Variants in ANXA13 observed in about 807,000 individuals in gnomAD.
The protein encoded by ANXA13 is annexin A13.
Under a neutral mutation model 46.6 loss-of-function variants are expected in ANXA13, and 36 were observed. The observed-to-expected ratio is 0.77, with a 90% confidence interval of 0.59 to 1.02. The LOEUF (loss-of-function observed/expected upper bound fraction) is 1.02, where lower values mean the gene tolerates loss of function less well. Among genes scored for constraint, ANXA13 ranks in the 50% least tolerant of loss-of-function variants. ANXA13 has a pLI of 0.00. For missense variants in ANXA13, 417 were observed against 396.5 expected, an observed-to-expected ratio of 1.05 and a Z score of -0.44; for synonymous variants, 163 against 152.9, an observed-to-expected ratio of 1.07 and a Z score of -0.49.
chr8:123,722,089 G>T (rs111777549), intron 1 of ANXA13, among the ~76,000 whole-genome samples: 1 of 152,256 alleles, frequency 6.6e-6, no homozygotes, highest in Non-Finnish European at 1.5e-5. Flanking sequence ...AGGATTGCTT[G>T]AGACCAGGAG....
Position 123,695,492 on chromosome 8 carries a change from T to C in ANXA13, c.471+10A>G. 1 of 1,610,848 alleles carries C rather than the reference T, an allele frequency of 6.2e-7. No homozygotes were observed. Among genetic ancestry groups the C allele is most frequent in the Non-Finnish European group, 8.5e-7 (1 of 1,177,210 alleles). The stretch of plus-strand genomic sequence containing the variant: ...AGATGATAAAACAGGTGACACCTCT[T>C]TCCTCTTACCTGCAGCAGAGACACC... On this transcript the variant is annotated intron_variant, in intron 6 of 10. Coordinates refer to ENST00000419625, the MANE Select transcript of ANXA13 (RefSeq NM_004306.4).
rs201094354 is a variant in ANXA13 at position 123,735,783 on chromosome 8, C to T, written c.15+1537G>A. 1.7e-4 allele frequency: 269 copies of T among 1,612,022 alleles called. No homozygotes were observed. The highest frequency in any genetic ancestry group is 2.0e-4 in the Non-Finnish European group (237 of 1,179,136). Reference sequence around the variant, plus strand: ...CTGTGGGGCCTCTGGCTCTCCATTCCGTGATGGGTGGCTGAGAGGCTGCAC... The same window carrying T: ...CTGTGGGGCCTCTGGCTCTCCATTCTGTGATGGGTGGCTGAGAGGCTGCAC... On this transcript the variant is annotated intron_variant, in intron 1 of 10. Coordinates refer to ENST00000419625, the MANE Select transcript of ANXA13 (RefSeq NM_004306.4).
At chr8:123,736,132 T>C (rs1200616858) in intron 1 of ANXA13, among the ~76,000 whole-genome samples, 1 of 152,218 alleles carries the variant, frequency 6.6e-6, no homozygotes, top group African/African-American at 2.4e-5. Context: ...TGAAAAACAA[T>C]GCCTTTCCTA....
chr8:123,702,236 A>C (rs1441095320), intron 3 of ANXA13, among the ~76,000 whole-genome samples: 1 of 136,180 alleles, frequency 7.3e-6, no homozygotes, highest in African/African-American at 2.8e-5. Context: ...ATAGGTGTTG[A>C]TAGCTTAATA....
intron 10 of ANXA13, 80 bp downstream of exon 10, chr8:123,684,530 T>A: frequency 1.0e-6 from 1 of 997,936 alleles, no homozygotes; most frequent in Non-Finnish European, 1.6e-6. Context: ...AGGCCCTTAA[T>A]AGAAACTATT....
chr8:123,698,977 T>C (rs536175482), intron 3 of ANXA13, among the ~76,000 whole-genome samples: 30 of 152,260 alleles, frequency 2.0e-4, no homozygotes, highest in Non-Finnish European at 3.8e-4. Flanking sequence ...GACTGGAGAA[T>C]TTGTCATCCA....
chr8:123,728,885 C>T (rs1814054023), intron 1 of ANXA13, among the ~76,000 whole-genome samples: 2 of 152,156 alleles, frequency 1.3e-5, no homozygotes, highest in Middle Eastern at 3.4e-3. Flanking sequence ...TCTTCCTTTT[C>T]ATTCCTACTA....
Position 123,684,625 on chromosome 8 carries a change from G to A in ANXA13, c.816C>T (p.Val272=), listed in dbSNP as rs530903950. 29 of 1,613,640 alleles carry A rather than the reference G, an allele frequency of 1.8e-5. No individual in the cohort carries two copies. The highest frequency in any genetic ancestry group is 6.7e-5 in the Admixed American group (4 of 60,014). ...TGTGTCTTACCTCGGCCCTGGTCAC[G>A]ACTATGCGAATCAACGTCTCCTCAT... ...GTDEETLIRI[V]VTRAEVDLQG... The change falls in exon 10 of 11, where the codon GTC becomes GTT. Residue 272 remains valine, a synonymous_variant. Coordinates refer to ENST00000419625, the MANE Select transcript of ANXA13 (RefSeq NM_004306.4).
chr8:123,695,859 G>A, intron 4 of ANXA13, 138 bp from the exon 5 acceptor site: 1 of 724,376 alleles, frequency 1.4e-6, no homozygotes, highest in Non-Finnish European at 2.3e-6. Flanking sequence ...CATCCCTATA[G>A]GTCCAGGGCA....
intron 1 of ANXA13, chr8:123,728,388 C>T (rs566121700): frequency 1.3e-5 from 2 of 152,220 alleles, no homozygotes; most frequent in East Asian, 3.9e-4. Context: ...TGAAAGGAAC[C>T]ATGCTTTCAG....
At position 123,683,034 on chromosome 8, in the gene ANXA13, A is replaced by G. The variant is rs1051054659; in HGVS notation, c.831+1576T>C. Among the ~76,000 whole-genome samples the G allele has an allele frequency of 2.0e-5, 3 of 152,118 alleles. No individual in the cohort carries two copies. In the East Asian group the frequency reaches 5.8e-4, roughly 29 times the overall value. ...ACCTGTCCCTTTTGAGTCCCTCAAG[A>G]TCTCTCATCTCTCAGTGACTTTGGC... On this transcript the variant is annotated intron_variant, in intron 10 of 10. Transcript: ENST00000419625.
rs780735587 is a variant in ANXA13 at position 123,711,425 on chromosome 8, CCT to C, written c.91+1251_91+1252del. ...TGAGTGGCTTCCTTGGATCCCAGGG[CCT>C]CTCTTCATGGCCCTAGACCTAGATG... On this transcript the variant is annotated intron_variant, in intron 2 of 10. Transcript: ENST00000419625. Among the ~76,000 whole-genome samples the C allele has an allele frequency of 1.2e-3, 176 of 152,194 alleles. 1 individual carries two copies. The highest frequency in any genetic ancestry group is 3.4e-3 in the Middle Eastern group (1 of 294).
chr8:123,695,877 G>C (rs966528328), intron 4 of ANXA13, among the ~76,000 whole-genome samples, 156 bp from the exon 5 acceptor site: 4 of 152,102 alleles, frequency 2.6e-5, no homozygotes, highest in African/African-American at 9.7e-5. Context: ...GCACACGCCT[G>C]GAGCGAGTCC....
In ANXA13 at chr8:123,695,541, T is replaced by C. The variant is rs757096606; in HGVS notation, c.432A>G (p.Thr144=). The C allele has an allele frequency of 1.2e-6, 2 of 1,614,182 alleles. No individual in the cohort carries two copies. Among genetic ancestry groups the C allele is most frequent in the Non-Finnish European group, 1.7e-6 (2 of 1,180,028 alleles). ...RSLESDVKGD[T]SGNLKKILVS... ...CCAGGATTTTTTTTAGGTTTCCACT[T>C]GTATCACCTTTGACATCTGATTCGA... is the stretch of plus-strand genomic sequence containing the variant. The change falls in exon 6 of 11, where the codon ACA becomes ACG. Residue 144 remains threonine (T), a synonymous_variant. Coordinates refer to ENST00000419625, the MANE Select transcript of ANXA13 (RefSeq NM_004306.4).
rs368241219 is a variant in ANXA13 at position 123,712,688 on chromosome 8, G to C, written c.81C>G (p.Cys27Trp). Residue 27 changes from cysteine to tryptophan, a missense_variant, in exon 2 of 11, where the codon TGC becomes TGG. Transcript: ENST00000419625. ...AAATATCTCTCATACCCATTCCTTT[G>C]CAGGCTTTGTTCAGCTTTTTGGCAT... ...DRDAKKLNKA[C>W]KGMGTNEAAI... The C allele has an allele frequency of 5.6e-6, 9 of 1,613,964 alleles. No homozygotes were observed. The highest frequency in any genetic ancestry group is 2.7e-5 in the African/African-American group (2 of 74,918).
rs1252663450 is a variant in ANXA13 at position 123,695,498 on chromosome 8, T to C, written c.471+4A>G. On this transcript the variant is annotated splice_donor_region_variant and intron_variant, in intron 6 of 10. Transcript: ENST00000419625. ...TAAAACAGGTGACACCTCTTTCCTC[T>C]TACCTGCAGCAGAGACACCAGGATT... The C allele has an allele frequency of 2.5e-6, 4 of 1,612,556 alleles. No individual in the cohort carries two copies. The highest frequency in any genetic ancestry group is 3.4e-6 in the Non-Finnish European group (4 of 1,178,636).
At chr8:123,732,969 T>G (rs1418884595) in intron 1 of ANXA13, among the ~76,000 whole-genome samples, 1 of 152,160 alleles carries the variant, frequency 6.6e-6, no homozygotes, top group Admixed American at 6.5e-5. Flanking sequence ...GCCCAGGAGT[T>G]TGGGACCAGC....
chr8:123,721,599 A>G (rs1421986086), intron 1 of ANXA13, among the ~76,000 whole-genome samples: 1 of 152,126 alleles, frequency 6.6e-6, no homozygotes, highest in Non-Finnish European at 1.5e-5. Flanking sequence ...AGTGCCTTTA[A>G]AATTGGAAGT....
intron 1 of ANXA13, among the ~76,000 whole-genome samples, chr8:123,732,226 C>A (rs1814131999): frequency 6.6e-6 from 1 of 152,114 alleles, no homozygotes; most frequent in South Asian, 2.1e-4. Flanking sequence ...CTTACTTTCC[C>A]CATATTTAAA....
Sources: allele counts gnomAD v4.1 joint callset (sites outside exome capture counted in the v4.1 genomes callset), GRCh38; gene constraint gnomAD v4.1.1; transcripts MANE v1.5; gene names NCBI Gene and HGNC (gene_info 2026-07-23, HGNC 2026-07-21).